The following EPHA10 variants were observed in gnomAD, a reference collection of about 807,000 sequenced individuals.
EPHA10 encodes ephrin type-A receptor 10.
In EPHA10, 120 loss-of-function variants were observed where a neutral mutation model predicts 109.7. The ratio of observed to expected loss-of-function variants is 1.09; its 90% confidence interval spans 0.94 to 1.27. The LOEUF is 1.27. EPHA10 is among the 50% of genes most tolerant of loss of function. The pLI, the probability that EPHA10 is intolerant of heterozygous loss-of-function variation, is 0.00. For synonymous variants in EPHA10, 640 were observed against 618.9 expected (o/e 1.03, Z -0.51); for missense variants, 1,396 against 1,411.1 (o/e 0.99, Z 0.17).
At position 37,718,798 on chromosome 1, in the gene EPHA10, C is replaced by A. The variant is rs610213; in HGVS notation, c.2775G>T (p.Ala925=). Reference sequence around the variant, plus strand: ...AGGGGAAGGTGGAGAAGGCACGGTCCGCTAGTGGGGTGGGAGGCCTGCGGG... The same window carrying A: ...AGGGGAAGGTGGAGAAGGCACGGTCAGCTAGTGGGGTGGGAGGCCTGCGGG... ...TTCPRPPTPL[A]DRAFSTFPSF... Residue 925 remains alanine, a synonymous_variant, in exon 16 of 17, where the codon GCG becomes GCT. Transcript: ENST00000373048. 3 of 1,611,772 alleles carry A rather than the reference C, an allele frequency of 1.9e-6. No homozygotes were observed. Among genetic ancestry groups the A allele is most frequent in the Non-Finnish European group, 2.5e-6 (3 of 1,179,420 alleles).
chr1:37,729,704 AC>A (rs1353371541), intron 7 of EPHA10, among the ~76,000 whole-genome samples: 1 of 151,870 alleles, frequency 6.6e-6, no homozygotes, highest in Non-Finnish European at 1.5e-5. Context: ...ACATAGTGAG[AC>A]CCCCAAAAAG....
Position 37,719,979 on chromosome 1 carries a change from C to A in EPHA10, c.2492G>T (p.Ser831Ile). ...GHFSSASDVWSFGIIMWEVMA... is the reference protein window; with the variant it reads ...GHFSSASDVWIFGIIMWEVMA... ...CACCTCCCACATGATGATGCCGAAG[C>A]TCCACACGTCACTGGCAGAGCTGAA... The change falls in exon 14 of 17, where the codon AGC becomes ATC. Residue 831 changes from serine to isoleucine, a missense_variant. Ser to Ile is a moderately radical substitution (Grantham distance 142). Coordinates refer to ENST00000373048, the MANE Select transcript of EPHA10 (RefSeq NM_001099439.2). 1 of 1,614,062 alleles carries A rather than the reference C, an allele frequency of 6.2e-7. No homozygotes were observed. The highest frequency in any genetic ancestry group is 8.5e-7 in the Non-Finnish European group (1 of 1,180,034).
downstream of EPHA10, chr1:37,714,593 C>G (rs1438042056): frequency 6.6e-6 from 1 of 152,230 alleles, no homozygotes; most frequent in Non-Finnish European, 1.5e-5. Context: ...TCCTAACTCC[C>G]AGTAACTCAG....
downstream of EPHA10, chr1:37,715,909 G>C: frequency 1.8e-6 from 1 of 566,812 alleles, no homozygotes; most frequent in Non-Finnish European, 3.5e-6. Flanking sequence ...CCTCGAGGAA[G>C]GGGGCAGAAG....
chr1:37,761,457 CACAGGCA>C lies in EPHA10; in HGVS notation c.791_797del (p.Val264GlyfsTer83). 2 of 1,599,570 alleles carry C rather than the reference CACAGGCA, an allele frequency of 1.3e-6. No homozygotes were observed. ...ATCCCGCGCTGCAGCTGCAGCGGCC[CACAGGCA>C]CCAGCCACTCGCCGTCGGCGCCGCA... On this transcript the variant is annotated frameshift_variant, in exon 3 of 17. Transcript: ENST00000373048. LOFTEE classifies it high-confidence loss of function.
At chr1:37,721,112 C>A (rs190342757) in intron 11 of EPHA10, among the ~76,000 whole-genome samples, 1 of 152,118 alleles carries the variant, frequency 6.6e-6, no homozygotes, top group Non-Finnish European at 1.5e-5. Flanking sequence ...TCTAGGGGAC[C>A]TATCACAGGT....
intron 5 of EPHA10, among the ~76,000 whole-genome samples, chr1:37,742,838 G>T (rs1557548931): frequency 6.6e-6 from 1 of 151,416 alleles, no homozygotes; most frequent in East Asian, 1.9e-4. Flanking sequence ...AATTTAAAAA[G>T]AAAAAAAAGT....
chr1:37,720,498 T>C lies in EPHA10; in HGVS notation c.2265A>G (p.Ala755=). The C allele has an allele frequency of 6.2e-7, 1 of 1,613,230 alleles. No homozygotes were observed. The highest frequency in any genetic ancestry group is 1.1e-5 in the South Asian group (1 of 91,036). ...GQLMGLLPGL[A]SAMKYLSEMG... is the part of the protein sequence containing the mutation. ...TCTCTGACAGATACTTCATGGCTGA[T>C]GCCAGCCCAGGCAGCAACCCCATCA... The change falls in exon 13 of 17, where the codon GCA becomes GCG. Residue 755 remains alanine, a synonymous_variant. Coordinates refer to ENST00000373048, the MANE Select transcript of EPHA10 (RefSeq NM_001099439.2).
At position 37,718,400 on chromosome 1, in the gene EPHA10, T is replaced by G; in HGVS notation, c.2999A>C (p.Gln1000Pro). Residue 1000 changes from glutamine to proline, a missense_variant, in exon 17 of 17, where the codon CAG becomes CCG. By Grantham distance (76) the Gln-to-Pro change is moderately conservative. Coordinates refer to ENST00000373048, the MANE Select transcript of EPHA10 (RefSeq NM_001099439.2). ...CACCTGCACCCCCTGGCCCTGCAGC[T>G]GGAGCACTCGTGCCTGCAGGGCGCT... ...GISALQARVL[Q>P]LQGQGVQV The G allele has an allele frequency of 1.6e-5, 25 of 1,612,562 alleles. No individual in the cohort carries two copies. The highest frequency in any genetic ancestry group is 2.1e-5 in the Non-Finnish European group (25 of 1,179,586).
chr1:37,717,526 C>A lies in EPHA10; in HGVS notation c.*846G>T, dbSNP rs932453136. On this transcript the variant is annotated 3_prime_UTR_variant, in exon 17 of 17. Transcript: ENST00000373048. Reference sequence around the variant, plus strand: ...ACCCATCTCTGAGTCTCCTCTTCACCCTCCCCATGGCTGGAGAGAAAAGCT... The same window carrying A: ...ACCCATCTCTGAGTCTCCTCTTCACACTCCCCATGGCTGGAGAGAAAAGCT... The A allele has an allele frequency of 2.6e-5, 6 of 231,588 alleles. No individual in the cohort carries two copies. Among genetic ancestry groups the A allele is most frequent in the East Asian group, 2.4e-4 (4 of 16,380 alleles). 14.3% of individuals were successfully genotyped at this position (231,588 alleles called of 1,614,324 possible). A position where few individuals can be genotyped will look rare whatever the true frequency, so the allele number is the denominator to read the frequency against.
chr1:37,732,863 C>CTT lies in EPHA10; in HGVS notation c.1492-1283_1492-1282dup, dbSNP rs56226051. Among the ~76,000 whole-genome samples the CTT allele has an allele frequency of 1.1e-3, 27 of 25,040 alleles. 4 individuals carry two copies. Among genetic ancestry groups the CTT allele is most frequent in the African/African-American group, 1.7e-3 (13 of 7,480 alleles). 16.4% of individuals were successfully genotyped at this position (25,040 alleles called of 152,430 possible). On this transcript the variant is annotated intron_variant, in intron 6 of 16. Transcript: ENST00000373048. Reference sequence around the variant, plus strand: ...CAAATATAGCCCTTTTATACTTGTTCTTTTTTTTTTTTTTTTTTTTTTTTT... The same window carrying CTT: ...CAAATATAGCCCTTTTATACTTGTTCTTTTTTTTTTTTTTTTTTTTTTTTTTT...
At chr1:37,747,920 C>G (rs1646264644) in intron 5 of EPHA10, among the ~76,000 whole-genome samples, 1 of 152,004 alleles carries the variant, frequency 6.6e-6, no homozygotes. Flanking sequence ...AAGCATACAA[C>G]AGGAAGAAAG....
chr1:37,754,110 G>A lies in EPHA10; in HGVS notation c.1006+105C>T. 8.5e-7 allele frequency: 1 copy of A among 1,179,912 alleles called. No homozygotes were observed. The allele number at this position is 1,179,912 out of a possible 1,614,324, so 73.1% of individuals were successfully genotyped here. On this transcript the variant is annotated intron_variant, in intron 4 of 16. Transcript: ENST00000373048. The surrounding 1 kb of genome is among the most constrained non-coding windows in gnomAD (Gnocchi z 4.5). The stretch of plus-strand genomic sequence containing the variant: ...CTGGCCCCCATATCCGCCCACGTGC[G>A]CCCCAGTGCGGAGACCCTGCCCTCA...
chr1:37,723,729 C>T (rs1356275073), intron 8 of EPHA10, among the ~76,000 whole-genome samples: 2 of 152,242 alleles, frequency 1.3e-5, no homozygotes, highest in Non-Finnish European at 2.9e-5. Context: ...ATCCAGCACT[C>T]GGGGGCAGCT....
intron 3 of EPHA10, chr1:37,756,626 T>C (rs905458133): frequency 6.6e-6 from 1 of 152,374 alleles, no homozygotes; most frequent in Non-Finnish European, 1.5e-5. Context: ...TACTTTATCA[T>C]GAGGCATTCA....
chr1:37,741,443 C>T (rs1291405240), intron 5 of EPHA10, among the ~76,000 whole-genome samples: 1 of 152,194 alleles, frequency 6.6e-6, no homozygotes, highest in Non-Finnish European at 1.5e-5. Context: ...GTGGATGTGG[C>T]TTCTAGTCTT....
intron 5 of EPHA10, among the ~76,000 whole-genome samples, chr1:37,743,841 C>T (rs1465716665): frequency 6.6e-6 from 1 of 152,042 alleles, no homozygotes; most frequent in Non-Finnish European, 1.5e-5. Flanking sequence ...TTATAATAAG[C>T]CCAATGGGAC....
At chr1:37,724,042 G>A (rs1216247573) in intron 8 of EPHA10, among the ~76,000 whole-genome samples, 3 of 152,256 alleles carry the variant, frequency 2.0e-5, no homozygotes, top group Non-Finnish European at 4.4e-5. Flanking sequence ...GCAGAGGAGT[G>A]CAATGATTTG....
chr1:37,764,956 C>A lies in EPHA10; in HGVS notation c.106+5G>T. On this transcript the variant is annotated splice_donor_5th_base_variant and intron_variant, in intron 1 of 16. Transcript: ENST00000373048. This position sits in a 1 kb window ranked among gnomAD's most constrained non-coding sequence, Gnocchi z 5.8. Reference sequence around the variant, plus strand: ...GCTCCGAGCAGAGCTCACCAGTCTTCTCACCTTCCTCGGCGGTCCCAGGCC... The same window carrying A: ...GCTCCGAGCAGAGCTCACCAGTCTTATCACCTTCCTCGGCGGTCCCAGGCC... 1 of 1,602,424 alleles carries A rather than the reference C, an allele frequency of 6.2e-7. No individual in the cohort carries two copies.
Sources: allele counts gnomAD v4.1 joint callset (sites outside exome capture counted in the v4.1 genomes callset), GRCh38; gene constraint gnomAD v4.1.1; non-coding constraint Gnocchi (gnomAD v3.1); transcripts MANE v1.5; gene names NCBI Gene and HGNC (gene_info 2026-07-23, HGNC 2026-07-21).